LYRM4: variants seen among roughly 807,000 people sequenced by gnomAD.
LYRM4 encodes the protein LYR motif containing 4, also known as LYR motif-containing protein 4.
A neutral mutation model predicts 11.7 loss-of-function variants in LYRM4; 9 were observed. The observed-to-expected ratio is 0.77, with a 90% CI of 0.46 to 1.34. LYRM4 has a LOEUF of 1.34. Among genes scored for constraint, LYRM4 ranks in the 40% most tolerant of loss-of-function variants. The pLI is 0.00. For missense variants in LYRM4, 133 were observed against 112.5 expected, an observed-to-expected ratio of 1.18 and a Z score of -0.82; for synonymous variants, 42 against 40.4, an observed-to-expected ratio of 1.04 and a Z score of -0.15.
chr6:5,123,362 G>A (rs1382281543), intron 2 of LYRM4, among the ~76,000 whole-genome samples: 1 of 152,212 alleles, frequency 6.6e-6, no homozygotes, highest in East Asian at 1.9e-4. Flanking sequence ...TGGTGGGACA[G>A]GGGGCGGTGA....
intron 2 of LYRM4, among the ~76,000 whole-genome samples, chr6:5,216,114 T>G (rs1300411982): frequency 6.6e-6 from 1 of 152,140 alleles, no homozygotes; most frequent in Non-Finnish European, 1.5e-5. Context: ...GGTTCCTTTA[T>G]GGGGTCAGCA....
chr6:5,203,357 G>A (rs532616457), intron 2 of LYRM4, among the ~76,000 whole-genome samples: 1 of 152,326 alleles, frequency 6.6e-6, no homozygotes, highest in South Asian at 2.1e-4. Context: ...TGCTGCCTGG[G>A]ACAGCTGCTT....
chr6:5,200,801 T>G (rs142053035), intron 2 of LYRM4, among the ~76,000 whole-genome samples: 1 of 152,302 alleles, frequency 6.6e-6, no homozygotes, highest in East Asian at 1.9e-4. Flanking sequence ...CAAATTCAAC[T>G]GGTCTGGAGT....
chr6:5,101,968 C>CATTTTTTTTTTTTTTTTTTTTTTTTTT (rs556454653), downstream of LYRM4, among the ~76,000 whole-genome samples: 3 of 67,988 alleles, frequency 4.4e-5, no homozygotes, highest in African/African-American at 1.4e-4. Flanking sequence ...CTAATGCTTT[C>CATTTTTTTTTTTTTTTTTTTTTTTTTT]TTTTTTTTTT....
In LYRM4 at chr6:5,246,425, A is replaced by G. The variant is rs528956003; in HGVS notation, c.86+14223T>C. Among the ~76,000 whole-genome samples the G allele has an allele frequency of 6.6e-5, 10 of 152,314 alleles. No individual in the cohort carries two copies. In the South Asian group the frequency reaches 2.1e-3, roughly 32 times the overall value. The stretch of plus-strand genomic sequence containing the variant: ...TTGGGTTCAGTTCTCTGTTCTCCTT[A>G]CAAGGTCTTTAATTGGAGAAACCAC... On this transcript the variant is annotated intron_variant, in intron 1 of 2. Transcript: ENST00000330636.
intron 2 of LYRM4, among the ~76,000 whole-genome samples, chr6:5,184,541 CTT>C (rs1760269196): frequency 1.3e-5 from 2 of 152,270 alleles, no homozygotes; most frequent in African/African-American, 4.8e-5. Flanking sequence ...AAAGGGCAAT[CTT>C]ATTAACATTT....
At chr6:5,111,974 A>C (rs1469986958) in intron 2 of LYRM4, among the ~76,000 whole-genome samples, 3 of 152,210 alleles carry the variant, frequency 2.0e-5, no homozygotes, top group African/African-American at 7.2e-5. Flanking sequence ...CAACCAGTAC[A>C]GCACCTACAT....
intron 1 of LYRM4, among the ~76,000 whole-genome samples, chr6:5,241,799 T>C (rs1763896980): frequency 1.3e-5 from 2 of 152,110 alleles, no homozygotes; most frequent in Non-Finnish European, 2.9e-5. Flanking sequence ...ATCAAAAAGT[T>C]CCTGTCCACA....
the LYRM4 span, chr6:5,086,115 C>G: frequency 2.0e-6 from 3 of 1,464,610 alleles, no homozygotes; most frequent in Non-Finnish European, 2.7e-6. Context: ...GCGCCGCGGC[C>G]GAGCGTCTGC....
chr6:5,247,605 G>A (rs1463596444), intron 1 of LYRM4, among the ~76,000 whole-genome samples: 5 of 152,148 alleles, frequency 3.3e-5, no homozygotes, highest in Admixed American at 6.5e-5. Context: ...AAATCCTTAA[G>A]TCAGTAATTA....
rs765769720 is a variant in LYRM4 at position 5,108,849 on chromosome 6, C to G, written c.*574G>C. 172 of 986,558 alleles carry G rather than the reference C, an allele frequency of 1.7e-4. 1 individual carries two copies. The highest frequency in any genetic ancestry group is 2.0e-4 in the Non-Finnish European group (169 of 830,630). 61.1% of individuals were successfully genotyped at this position (986,558 alleles called of 1,614,324 possible). A position where few individuals can be genotyped will look rare whatever the true frequency, so the allele number is the denominator to read the frequency against. On this transcript the variant is annotated 3_prime_UTR_variant, in exon 3 of 3. Coordinates refer to ENST00000330636, the MANE Select transcript of LYRM4 (RefSeq NM_020408.6). ...CTACACACCCGTCACCTTTGTTGTA[C>G]TGGGCTCAGGTATAAGTTGCAGGGT... is the stretch of plus-strand genomic sequence containing the variant.
chr6:5,230,947 T>C (rs1763201452), intron 1 of LYRM4, among the ~76,000 whole-genome samples: 1 of 152,178 alleles, frequency 6.6e-6, no homozygotes, highest in Non-Finnish European at 1.5e-5. Context: ...GTCAGAATGT[T>C]TACTGGGCTA....
intron 2 of LYRM4, among the ~76,000 whole-genome samples, chr6:5,205,471 G>C (rs1761642831): frequency 6.6e-6 from 1 of 152,030 alleles, no homozygotes; most frequent in Non-Finnish European, 1.5e-5. Context: ...AAATAGACAG[G>C]AGCAAGCCAT....
intron 2 of LYRM4, among the ~76,000 whole-genome samples, chr6:5,148,668 TCTC>T (rs1757918251): frequency 6.8e-6 from 1 of 147,300 alleles, no homozygotes. Flanking sequence ...CACACCTCTC[TCTC>T]TCTCTCTCTC....
the LYRM4 span, among the ~76,000 whole-genome samples, chr6:5,094,303 A>C: frequency 1.3e-5 from 2 of 152,132 alleles, no homozygotes; most frequent in African/African-American, 4.8e-5. Flanking sequence ...AGAACAAAGC[A>C]AGATCTCATC....
intron 2 of LYRM4, among the ~76,000 whole-genome samples, chr6:5,124,515 G>A (rs1763613687): frequency 6.6e-6 from 1 of 152,188 alleles, no homozygotes; most frequent in Non-Finnish European, 1.5e-5. Flanking sequence ...GCCTCCGACT[G>A]GCCTAAAGTG....
intron 2 of LYRM4, among the ~76,000 whole-genome samples, chr6:5,127,508 G>A (rs573403363): frequency 3.3e-5 from 5 of 152,296 alleles, no homozygotes; most frequent in African/African-American, 9.6e-5. Flanking sequence ...CTAGACTTGT[G>A]CTACTCCATT....
chr6:5,124,662 G>A (rs75258439), intron 2 of LYRM4, among the ~76,000 whole-genome samples: 3,528 of 152,254 alleles, frequency 0.023, 145 homozygotes, highest in African/African-American at 0.08. Flanking sequence ...GTGGGCGGCA[G>A]ACTTCATCCT....
At chr6:5,075,615 G>C in the LYRM4 span, among the ~76,000 whole-genome samples, 1 of 152,138 alleles carries the variant, frequency 6.6e-6, no homozygotes, top group African/African-American at 2.4e-5. Context: ...AGGAAGAATG[G>C]GCATAGAAAT....
Sources: allele counts gnomAD v4.1 joint callset (sites outside exome capture counted in the v4.1 genomes callset), GRCh38; gene constraint gnomAD v4.1.1; transcripts MANE v1.5; gene names NCBI Gene and HGNC (gene_info 2026-07-23, HGNC 2026-07-21).